ACAD11: variants seen among roughly 807,000 people sequenced by gnomAD.
ACAD11 encodes acyl-Coenzyme A dehydrogenase family, member 11.
ACAD11 carries 83 observed loss-of-function variants against 102.2 expected under a neutral mutation model. That is an observed-to-expected ratio of 0.81 (90% CI 0.68 to 0.97). The LOEUF (loss-of-function observed/expected upper bound fraction) is 0.97, where lower values mean the gene tolerates loss of function less well. Among genes scored for constraint, ACAD11 ranks in the 50% least tolerant of loss-of-function variants. The pLI is 0.00. For synonymous variants in ACAD11, 324 were observed against 319.8 expected (o/e 1.01, Z -0.14); for missense variants, 901 against 951.7 (o/e 0.95, Z 0.70).
chr3:132,586,648 T>C (rs541077294), intron 13 of ACAD11, among the ~76,000 whole-genome samples: 4 of 152,348 alleles, frequency 2.6e-5, no homozygotes, highest in African/African-American at 4.8e-5. Context: ...TCTCTACCCT[T>C]CTGGGCATTT....
intron 13 of ACAD11, among the ~76,000 whole-genome samples, chr3:132,602,964 G>A (rs561479905): frequency 6.6e-6 from 1 of 152,120 alleles, no homozygotes; most frequent in Admixed American, 6.5e-5. Context: ...CACCACACCT[G>A]GCTAATTTTT....
chr3:132,559,195 C>T (rs1370489437), intron 19 of ACAD11, 110 bp from the exon 20 acceptor site: 22 of 793,772 alleles, frequency 2.8e-5, no homozygotes, highest in Non-Finnish European at 4.6e-5. Flanking sequence ...TCTTAAATTC[C>T]ACCAAGGTCA....
intron 13 of ACAD11, among the ~76,000 whole-genome samples, chr3:132,581,436 T>C (rs558039695): frequency 8.5e-5 from 13 of 152,062 alleles, no homozygotes; most frequent in African/African-American, 3.1e-4. Context: ...AGGAAAGTAT[T>C]ATCTGAAAAT....
intron 5 of ACAD11, among the ~76,000 whole-genome samples, chr3:132,637,075 C>G (rs1031497155): frequency 5.3e-5 from 8 of 152,128 alleles, no homozygotes; most frequent in African/African-American, 1.9e-4. Context: ...AACCTTACTT[C>G]ACGACTTTAT....
At chr3:132,574,456 C>T (rs918996471) in intron 17 of ACAD11, among the ~76,000 whole-genome samples, 1 of 152,094 alleles carries the variant, frequency 6.6e-6, no homozygotes, top group East Asian at 1.9e-4. Context: ...TGTCATAAAG[C>T]GGGCTGTAGC....
At chr3:132,652,115 C>T (rs1940950721) in intron 1 of ACAD11, among the ~76,000 whole-genome samples, 1 of 152,118 alleles carries the variant, frequency 6.6e-6, no homozygotes, top group African/African-American at 2.4e-5. Flanking sequence ...TCCCATAATT[C>T]CCAATTCCCA....
At chr3:132,609,810 G>C (rs535131586) in intron 11 of ACAD11, among the ~76,000 whole-genome samples, 1 of 152,214 alleles carries the variant, frequency 6.6e-6, no homozygotes, top group African/African-American at 2.4e-5. Context: ...CCAAAACCTG[G>C]TGGAGACACA....
intron 1 of ACAD11, among the ~76,000 whole-genome samples, chr3:132,645,640 C>G (rs919170041): frequency 6.6e-6 from 1 of 152,134 alleles, no homozygotes; most frequent in Non-Finnish European, 1.5e-5. Context: ...ACAGAAGAAT[C>G]AATCCTTAAG....
At chr3:132,625,634 T>TTAATCTC (rs1939780852) in intron 9 of ACAD11, among the ~76,000 whole-genome samples, 2 of 152,162 alleles carry the variant, frequency 1.3e-5, no homozygotes, top group Admixed American at 1.3e-4. Context: ...CCCTATTCTG[T>TTAATCTC]GAGCAAAGTT....
At chr3:132,632,025 A>G (rs899206057) in intron 5 of ACAD11, among the ~76,000 whole-genome samples, 40 of 152,312 alleles carry the variant, frequency 2.6e-4, no homozygotes, top group African/African-American at 8.4e-4. Context: ...AACCAATAAA[A>G]CAGAAAGCTT....
At chr3:132,649,203 C>T (rs1253694508) in intron 1 of ACAD11, among the ~76,000 whole-genome samples, 1 of 152,216 alleles carries the variant, frequency 6.6e-6, no homozygotes, top group African/African-American at 2.4e-5. Flanking sequence ...CGTCCCCCAG[C>T]CCGACACCCG....
Position 132,558,893 on chromosome 3 carries a change from TGAG to T in ACAD11, c.*75_*77del. 1 of 1,007,838 alleles carries T rather than the reference TGAG, an allele frequency of 9.9e-7. No homozygotes were observed. Among genetic ancestry groups the T allele is most frequent in the Non-Finnish European group, 1.5e-6 (1 of 660,018 alleles). The allele number at this position is 1,007,838 out of a possible 1,614,324, so 62.4% of individuals were successfully genotyped here. A position where few individuals can be genotyped will look rare whatever the true frequency, so the allele number is the denominator to read the frequency against. The stretch of plus-strand genomic sequence containing the variant: ...CTGTGCTCAAACTGCTACAAAAATA[TGAG>T]ATTCAAATGTTGGAGCCAATGAAGT... On this transcript the variant is annotated 3_prime_UTR_variant, in exon 20 of 20. Coordinates refer to ENST00000264990, the MANE Select transcript of ACAD11 (RefSeq NM_032169.5).
chr3:132,587,239 A>G (rs921265224), intron 13 of ACAD11, among the ~76,000 whole-genome samples: 3 of 152,184 alleles, frequency 2.0e-5, no homozygotes, highest in Admixed American at 2.0e-4. Flanking sequence ...TCTTTTTTCA[A>G]ATGCAAATCT....
chr3:132,579,332 C>T (rs1261269112), intron 14 of ACAD11, 160 bp downstream of exon 14: 3 of 669,886 alleles, frequency 4.5e-6, no homozygotes, highest in East Asian at 5.7e-5. Context: ...CCAAAAACAC[C>T]TGTTAGAAAA....
intron 5 of ACAD11, 105 bp downstream of exon 5, chr3:132,639,387 A>C: frequency 1.9e-6 from 2 of 1,077,696 alleles, no homozygotes; most frequent in Non-Finnish European, 1.3e-6. Flanking sequence ...CTGTAGGGGA[A>C]CAGGGAGTGG....
chr3:132,632,307 G>A (rs985251147), intron 5 of ACAD11, among the ~76,000 whole-genome samples: 9 of 152,010 alleles, frequency 5.9e-5, no homozygotes, highest in East Asian at 1.9e-4. Context: ...GGATGGTCTC[G>A]ACCTCCTGAC....
chr3:132,598,968 G>A (rs1938443393), intron 13 of ACAD11, among the ~76,000 whole-genome samples: 1 of 152,132 alleles, frequency 6.6e-6, no homozygotes, highest in African/African-American at 2.4e-5. Flanking sequence ...TAAGAAAAAC[G>A]TTTTTGAAAA....
At chr3:132,572,994 T>C (rs1242699468) in intron 17 of ACAD11, among the ~76,000 whole-genome samples, 1 of 152,002 alleles carries the variant, frequency 6.6e-6, no homozygotes, top group Non-Finnish European at 1.5e-5. Flanking sequence ...ACAGGTGCCA[T>C]GGTGGTTTGC....
intron 9 of ACAD11, among the ~76,000 whole-genome samples, chr3:132,620,933 T>A (rs374153986): frequency 1.8e-4 from 28 of 152,286 alleles, no homozygotes; most frequent in African/African-American, 2.9e-4. Context: ...AAAAATAGAT[T>A]AGATAACAGC....
Sources: allele counts gnomAD v4.1 joint callset (sites outside exome capture counted in the v4.1 genomes callset), GRCh38; gene constraint gnomAD v4.1.1; transcripts MANE v1.5; gene names NCBI Gene and HGNC (gene_info 2026-07-23, HGNC 2026-07-21).